Variants in MTSS1 observed in about 807,000 individuals in gnomAD.
MTSS1 encodes the protein MTSS I-BAR domain containing 1, also known as protein MTSS 1.
In MTSS1, 18 loss-of-function variants were observed where a neutral mutation model predicts 79.0. The ratio of observed to expected loss-of-function variants is 0.23; its 90% CI spans 0.16 to 0.34. MTSS1 has a LOEUF of 0.34. Among genes scored for constraint, MTSS1 ranks in the 10% least tolerant of loss-of-function variants. The probability of loss-of-function intolerance (pLI) is 1.00; values close to 1 mark genes in which losing one functional copy is unlikely to be tolerated. For synonymous variants in MTSS1, 341 were observed against 368.6 expected (o/e 0.93, Z 0.86); for missense variants, 815 against 986.2 (o/e 0.83, Z 2.33).
intron 10 of MTSS1, among the ~76,000 whole-genome samples, chr8:124,561,100 T>A (rs1426562297): frequency 2.0e-5 from 3 of 152,180 alleles, no homozygotes; most frequent in African/African-American, 7.2e-5. Context: ...AAAATAAGAA[T>A]TCTCTATTAA....
intron 3 of MTSS1, among the ~76,000 whole-genome samples, chr8:124,644,701 G>A (rs1285706818): frequency 6.6e-6 from 1 of 152,176 alleles, no homozygotes; most frequent in Non-Finnish European, 1.5e-5. Context: ...TGTCAAACTG[G>A]AAAACACTGC....
intron 3 of MTSS1, among the ~76,000 whole-genome samples, chr8:124,648,709 G>GCCGC (rs1554694498): frequency 2.7e-5 from 4 of 147,776 alleles, no homozygotes; most frequent in South Asian, 4.3e-4. Context: ...CCAAATAGCA[G>GCCGC]CCCCCCCCCA....
rs1248774607 is a variant in MTSS1, at chr8:124,582,889, AG to A, written c.460+2197del. ...CTCAGCCATACATATGCCTCCTAGG[AG>A]AGCTCTCCATAAAAGATTCCAGTCC... On this transcript the variant is annotated intron_variant, in intron 6 of 13. Coordinates refer to ENST00000518547, the MANE Select transcript of MTSS1 (RefSeq NM_014751.6). This position sits in a 1 kb window ranked among gnomAD's most constrained non-coding sequence, Gnocchi z 4.8. Among the ~76,000 whole-genome samples, 4 of 152,208 alleles carry A rather than the reference AG, an allele frequency of 2.6e-5. No homozygotes were observed. The highest frequency in any genetic ancestry group is 9.7e-5 in the African/African-American group (4 of 41,448).
chr8:124,587,552 G>A (rs574268367), intron 5 of MTSS1, among the ~76,000 whole-genome samples: 35 of 152,284 alleles, frequency 2.3e-4, no homozygotes, highest in African/African-American at 8.2e-4. Flanking sequence ...AGGCTGGAGT[G>A]CAACAGTGCA....
At chr8:124,584,986 G>T (rs917644480) in intron 6 of MTSS1, 101 bp downstream of exon 6, 3 of 957,270 alleles carry the variant, frequency 3.1e-6, no homozygotes, top group Non-Finnish European at 3.2e-6. Flanking sequence ...TTCCAGGGCC[G>T]TCATACTTAA....
intron 10 of MTSS1, chr8:124,558,738 A>G (rs1160113333): frequency 1.3e-6 from 2 of 1,577,186 alleles, no homozygotes; most frequent in South Asian, 1.1e-5. Flanking sequence ...CCAGGCACCC[A>G]TGGTGGAGCC....
At position 124,553,439 on chromosome 8, in the gene MTSS1, A is replaced by G. The variant is rs760527296; in HGVS notation, c.1821T>C (p.Gly607=). ...TCACGGGTGTCTTGATGGGGATGGG[A>G]CCAGCTCCAATGGTTCCCCGGCGGA... ...PSVRRGTIGA[G]PIPIKTPVIP... The change falls in exon 14 of 14, where the codon GGT becomes GGC. Residue 607 remains glycine, a synonymous_variant. Transcript: ENST00000518547. The surrounding 1 kb of genome is among the most constrained non-coding windows in gnomAD (Gnocchi z 6.0). 1 of 1,607,908 alleles carries G rather than the reference A, an allele frequency of 6.2e-7. No homozygotes were observed. The highest frequency in any genetic ancestry group is 8.5e-7 in the Non-Finnish European group (1 of 1,176,006).
At chr8:124,588,577 G>C (rs4871506) in intron 5 of MTSS1, among the ~76,000 whole-genome samples, 1 of 152,014 alleles carries the variant, frequency 6.6e-6, no homozygotes, top group Non-Finnish European at 1.5e-5. Flanking sequence ...TTGTCTCACC[G>C]ACCTGGGACA....
intron 3 of MTSS1, among the ~76,000 whole-genome samples, chr8:124,667,639 C>T (rs920255510): frequency 4.6e-5 from 7 of 151,256 alleles, no homozygotes; most frequent in Non-Finnish European, 1.0e-4. Context: ...AGCGAAACTC[C>T]GTCTCAAAAA....
At position 124,635,287 on chromosome 8, in the gene MTSS1, G is replaced by T. The variant is rs188488248; in HGVS notation, c.209-44052C>A. ...TACAGGGAACAGAGTCAAATGACAGGAAACTCTAGATCACCTTAGAGAATA... is the reference window on the plus strand; with the variant it reads ...TACAGGGAACAGAGTCAAATGACAGTAAACTCTAGATCACCTTAGAGAATA... On this transcript the variant is annotated intron_variant, in intron 3 of 13. Coordinates refer to ENST00000518547, the MANE Select transcript of MTSS1 (RefSeq NM_014751.6). 2.7e-3 allele frequency among the ~76,000 whole-genome samples: 402 copies of T among 150,120 alleles called. 2 individuals are homozygous for T. The highest frequency in any genetic ancestry group is 4.1e-3 in the South Asian group (20 of 4,822).
intron 3 of MTSS1, among the ~76,000 whole-genome samples, chr8:124,690,098 C>T (rs1041869370): frequency 2.0e-5 from 3 of 152,174 alleles, no homozygotes; most frequent in Non-Finnish European, 2.9e-5. Flanking sequence ...CAAATCAACT[C>T]AGTCACCCAT....
At chr8:124,694,588 C>T (rs2163372) in intron 3 of MTSS1, among the ~76,000 whole-genome samples, 54,689 of 151,910 alleles carry the variant, frequency 0.36, 10,584 homozygotes, top group Non-Finnish European at 0.41. Context: ...CTGAGTGGTT[C>T]ATGTGTATTA....
intron 3 of MTSS1, among the ~76,000 whole-genome samples, chr8:124,600,880 T>A (rs7816697): frequency 0.29 from 44,045 of 151,866 alleles, 7,441 homozygotes; most frequent in African/African-American, 0.46. Flanking sequence ...ACTTATTAAT[T>A]GTTACGCATC....
chr8:124,717,815 C>T (rs1832316208), intron 1 of MTSS1, among the ~76,000 whole-genome samples: 1 of 152,198 alleles, frequency 6.6e-6, no homozygotes, highest in Admixed American at 6.5e-5. Context: ...TTCAACTGCA[C>T]CTCACTCCAC....
At chr8:124,702,655 G>A (rs1258385953) in intron 2 of MTSS1, among the ~76,000 whole-genome samples, 1 of 152,042 alleles carries the variant, frequency 6.6e-6, no homozygotes, top group Admixed American at 6.6e-5. Context: ...ACAGGCAAAG[G>A]CCCGAGAGCA....
At chr8:124,620,428 T>A (rs145897170) in intron 3 of MTSS1, among the ~76,000 whole-genome samples, 6 of 152,298 alleles carry the variant, frequency 3.9e-5, no homozygotes, top group African/African-American at 1.4e-4. Context: ...ATCCAAGGTA[T>A]TTGTGGAGGG....
intron 3 of MTSS1, among the ~76,000 whole-genome samples, chr8:124,664,228 AGG>A (rs2134450032): frequency 6.6e-6 from 1 of 152,272 alleles, no homozygotes; most frequent in African/African-American, 2.4e-5. Flanking sequence ...TTAGAACCAC[AGG>A]CGTAAGTTCA....
chr8:124,606,901 T>C (rs879720602), intron 3 of MTSS1, among the ~76,000 whole-genome samples: 5 of 152,132 alleles, frequency 3.3e-5, no homozygotes, highest in Non-Finnish European at 7.3e-5. Flanking sequence ...GACCCCTCCT[T>C]ATTTGCCAGG....
At chr8:124,595,763 G>A (rs908199239) in intron 3 of MTSS1, among the ~76,000 whole-genome samples, 2 of 152,068 alleles carry the variant, frequency 1.3e-5, no homozygotes. Flanking sequence ...CCTTATCATG[G>A]CCATTAAAAA....
Sources: gnomAD v4.1 joint callset for allele counts (sites outside exome capture counted in the v4.1 genomes callset) on GRCh38, gnomAD v4.1.1 for gene constraint, Gnocchi (gnomAD v3.1) non-coding constraint, MANE v1.5 for transcripts, NCBI Gene and HGNC (gene_info 2026-07-23, HGNC 2026-07-21) for gene names.